The following CSMD1 variants were observed in gnomAD, a reference collection of about 807,000 sequenced individuals.
CSMD1 encodes CUB and Sushi multiple domains 1, also known as CUB and sushi domain-containing protein 1.
Under a neutral mutation model 417.5 loss-of-function variants are expected in CSMD1, and 213 were observed. The ratio of observed to expected loss-of-function variants is 0.51; its 90% CI spans 0.46 to 0.57. CSMD1 has a LOEUF of 0.57. Ranked by LOEUF, CSMD1 falls within the 20% of genes least tolerant of loss-of-function variation. CSMD1 has a pLI of 0.00. For missense variants in CSMD1, 6,923 were observed against 4,529.7 expected (o/e 1.53, Z -15.17); for synonymous variants, 2,862 against 1,736.8 (o/e 1.65, Z -16.11).
chr8:3,346,087 C>G (rs1478607639), intron 22 of CSMD1, among the ~76,000 whole-genome samples: 1 of 152,074 alleles, frequency 6.6e-6, no homozygotes, highest in African/African-American at 2.4e-5. Context: ...GATAATTTTA[C>G]TATAAACATT....
At chr8:4,522,800 G>C (rs1331067035) in intron 2 of CSMD1, among the ~76,000 whole-genome samples, 1 of 152,108 alleles carries the variant, frequency 6.6e-6, no homozygotes, top group Non-Finnish European at 1.5e-5. Context: ...GGCAAGGACT[G>C]CAGAAATAAG....
chr8:4,069,895 T>G (rs1011105075), intron 3 of CSMD1, among the ~76,000 whole-genome samples: 1 of 152,192 alleles, frequency 6.6e-6, no homozygotes, highest in African/African-American at 2.4e-5. Context: ...TGTTTTGTTT[T>G]GTTTTGTTTT....
intron 5 of CSMD1, among the ~76,000 whole-genome samples, chr8:3,847,501 T>C (rs114098912): frequency 0.017 from 2,622 of 152,162 alleles, 74 homozygotes; most frequent in African/African-American, 0.06. Context: ...CCAACATCAA[T>C]ATGAGTATGG....
chr8:4,832,165 T>G (rs746964637), intron 1 of CSMD1, among the ~76,000 whole-genome samples: 28 of 152,214 alleles, frequency 1.8e-4, no homozygotes, highest in Non-Finnish European at 3.1e-4. Flanking sequence ...TACACTCACG[T>G]ACATCAGCAA....
At chr8:4,422,243 C>A (rs554286377) in intron 2 of CSMD1, among the ~76,000 whole-genome samples, 1 of 152,072 alleles carries the variant, frequency 6.6e-6, no homozygotes, top group African/African-American at 2.4e-5. Flanking sequence ...TACACAGTCT[C>A]TTCCAGAAAG....
At chr8:3,527,056 G>C (rs1381197696) in intron 10 of CSMD1, among the ~76,000 whole-genome samples, 1 of 151,898 alleles carries the variant, frequency 6.6e-6, no homozygotes, top group Non-Finnish European at 1.5e-5. Context: ...ATGCATGCCG[G>C]GTCAGTGCCA....
intron 3 of CSMD1, among the ~76,000 whole-genome samples, chr8:4,325,939 T>C (rs537949963): frequency 2.6e-5 from 4 of 152,272 alleles, no homozygotes; most frequent in Admixed American, 2.0e-4. Context: ...GGCACCTTTT[T>C]CTGTTCACGG....
At chr8:3,562,881 C>G (rs564786370) in intron 10 of CSMD1, among the ~76,000 whole-genome samples, 129 of 151,936 alleles carry the variant, frequency 8.5e-4, no homozygotes, top group Non-Finnish European at 1.6e-3. Context: ...CACAAGTTTA[C>G]CTTTTAACAA....
intron 41 of CSMD1, among the ~76,000 whole-genome samples, chr8:3,134,284 G>A (rs922494760): frequency 2.0e-5 from 3 of 152,222 alleles, no homozygotes; most frequent in East Asian, 1.9e-4. Flanking sequence ...TCCGGAGGCC[G>A]TGATGTTAGG....
intron 1 of CSMD1, among the ~76,000 whole-genome samples, chr8:4,663,034 T>A (rs1388789110): frequency 6.6e-6 from 1 of 152,190 alleles, no homozygotes; most frequent in Non-Finnish European, 1.5e-5. Flanking sequence ...AAATCTCTGT[T>A]CCAGCCCAGA....
chr8:3,478,938 C>T (rs142533799), intron 11 of CSMD1, among the ~76,000 whole-genome samples: 90 of 152,108 alleles, frequency 5.9e-4, no homozygotes, highest in African/African-American at 2.0e-3. Flanking sequence ...GTAGAGTGGG[C>T]GGAATAGGTG....
intron 1 of CSMD1, among the ~76,000 whole-genome samples, chr8:4,708,069 C>T (rs1808063253): frequency 6.6e-6 from 1 of 152,126 alleles, no homozygotes; most frequent in African/African-American, 2.4e-5. Flanking sequence ...TCAGCCTCTG[C>T]AGTAGCTGGG....
At chr8:3,962,577 A>T (rs541092955) in intron 5 of CSMD1, among the ~76,000 whole-genome samples, 4 of 152,272 alleles carry the variant, frequency 2.6e-5, no homozygotes, top group African/African-American at 7.2e-5. Flanking sequence ...ACGAGGAGTA[A>T]GCAATGAAAT....
chr8:2,978,335 A>T (rs1384734387), intron 55 of CSMD1, among the ~76,000 whole-genome samples: 3 of 152,160 alleles, frequency 2.0e-5, no homozygotes, highest in Non-Finnish European at 4.4e-5. Context: ...AAGCCATGAG[A>T]AAAACAGATA....
intron 3 of CSMD1, among the ~76,000 whole-genome samples, chr8:4,290,425 G>T (rs1431922451): frequency 6.6e-6 from 1 of 152,210 alleles, no homozygotes; most frequent in African/African-American, 2.4e-5. Context: ...TCTAACATGA[G>T]ATTTGAACTT....
intron 5 of CSMD1, among the ~76,000 whole-genome samples, chr8:3,938,766 T>A (rs1363759196): frequency 6.6e-6 from 1 of 152,184 alleles, no homozygotes; most frequent in Non-Finnish European, 1.5e-5. Flanking sequence ...GTGCCTTTGT[T>A]GTTAATGTGA....
chr8:4,322,300 A>G (rs7017259), intron 3 of CSMD1, among the ~76,000 whole-genome samples: 1 of 151,496 alleles, frequency 6.6e-6, no homozygotes, highest in African/African-American at 2.4e-5. Flanking sequence ...ATTTCATGTT[A>G]TCTGCATATT....
intron 5 of CSMD1, among the ~76,000 whole-genome samples, chr8:3,965,231 C>A (rs560910853): frequency 1.3e-5 from 2 of 152,270 alleles, no homozygotes; most frequent in African/African-American, 2.4e-5. Context: ...TGAACAGAGA[C>A]GGCAAATGCT....
chr8:4,207,080 G>A (rs1800021987), intron 3 of CSMD1, among the ~76,000 whole-genome samples: 1 of 152,060 alleles, frequency 6.6e-6, no homozygotes, highest in Non-Finnish European at 1.5e-5. Context: ...TATTATGAAT[G>A]CCAGAAAATT....
Sources: gnomAD v4.1 joint callset for allele counts (sites outside exome capture counted in the v4.1 genomes callset) on GRCh38, gnomAD v4.1.1 for gene constraint, MANE v1.5 for transcripts, NCBI Gene and HGNC (gene_info 2026-07-23, HGNC 2026-07-21) for gene names.